NDST3: variants seen among roughly 807,000 people sequenced by gnomAD.
The protein encoded by NDST3 is N-deacetylase and N-sulfotransferase 3.
NDST3 carries 58 observed loss-of-function variants against 96.1 expected under a neutral mutation model. The observed-to-expected ratio is 0.60, with a 90% confidence interval of 0.49 to 0.75. NDST3 has a LOEUF of 0.75. NDST3 is among the 30% of genes least tolerant of loss of function. The pLI is 0.00. For missense variants in NDST3, 788 were observed against 1,034.2 expected, an observed-to-expected ratio of 0.76 and a Z score of 3.27; for synonymous variants, 333 against 359.7, an observed-to-expected ratio of 0.93 and a Z score of 0.84.
intron 2 of NDST3, among the ~76,000 whole-genome samples, chr4:118,073,140 G>A (rs528795559): frequency 6.6e-6 from 1 of 152,152 alleles, no homozygotes; most frequent in East Asian, 1.9e-4. Context: ...ATATTTTGTT[G>A]AGGATTTTTG....
intron 12 of NDST3, among the ~76,000 whole-genome samples, chr4:118,248,132 C>T (rs1192248802): frequency 1.3e-5 from 2 of 152,124 alleles, no homozygotes; most frequent in South Asian, 2.1e-4. Flanking sequence ...GGGTGGATCA[C>T]CTGAGGTCAG....
At chr4:118,080,274 A>G (rs1727904654) in intron 2 of NDST3, among the ~76,000 whole-genome samples, 1 of 152,038 alleles carries the variant, frequency 6.6e-6, no homozygotes, top group Non-Finnish European at 1.5e-5. Context: ...GTCCAAGTAG[A>G]GATGTGCAGG....
Position 118,116,366 on chromosome 4 carries a change from A to ATTG in NDST3, c.1224+1422_1224+1424dup, listed in dbSNP as rs143869319. ...AAGATACTGAGAAGTGAGGAGTGAA[A>ATTG]TTGTTGTTGTTGTTGTTGCTGTTTT... is the stretch of plus-strand genomic sequence containing the variant. On this transcript the variant is annotated intron_variant, in intron 4 of 13. Transcript: ENST00000296499. Among the ~76,000 whole-genome samples the ATTG allele has an allele frequency of 3.8e-4, 58 of 152,248 alleles. No homozygotes were observed. In the East Asian group the frequency reaches 7.5e-3, roughly 20 times the overall value.
At chr4:118,039,173 C>T (rs1724309298) in intron 1 of NDST3, among the ~76,000 whole-genome samples, 1 of 152,122 alleles carries the variant, frequency 6.6e-6, no homozygotes, top group Admixed American at 6.5e-5. Context: ...TCTGAAAAAT[C>T]TCAGAATGGA....
At chr4:118,055,261 AATG>A (rs1725345893) in intron 2 of NDST3, 1 of 234,414 alleles carries the variant, frequency 4.3e-6, no homozygotes. Flanking sequence ...AATTTGTCTT[AATG>A]ATAATAAATA....
intron 4 of NDST3, among the ~76,000 whole-genome samples, chr4:118,133,610 C>T (rs1040921286): frequency 1.3e-5 from 2 of 152,096 alleles, no homozygotes; most frequent in African/African-American, 4.8e-5. Context: ...TTTGGCCTTC[C>T]TGCAGGGGGT....
rs181600928 is a variant in NDST3, at chr4:118,127,962, T to C, written c.1225-10092T>C. ...TATTTGTGGCTACTATAAATGAGAT[T>C]ACATTTTGACTTGTTTTTTACATTG... On this transcript the variant is annotated intron_variant, in intron 4 of 13. Coordinates refer to ENST00000296499, the MANE Select transcript of NDST3 (RefSeq NM_004784.3). 9.3e-4 allele frequency among the ~76,000 whole-genome samples: 141 copies of C among 152,174 alleles called. 1 individual carries two copies. The highest frequency in any genetic ancestry group is 1.6e-3 in the Non-Finnish European group (106 of 67,924).
At chr4:118,114,596 T>C (rs1169519770) in intron 3 of NDST3, among the ~76,000 whole-genome samples, 1 of 152,248 alleles carries the variant, frequency 6.6e-6, no homozygotes, top group East Asian at 1.9e-4. Context: ...GTCTCATGTT[T>C]AATAACATTT....
intron 3 of NDST3, among the ~76,000 whole-genome samples, chr4:118,110,245 A>G (rs1276563717): frequency 6.6e-6 from 1 of 152,226 alleles, no homozygotes; most frequent in Non-Finnish European, 1.5e-5. Context: ...TAAATTAACA[A>G]TGAGAAGAGC....
intron 6 of NDST3, among the ~76,000 whole-genome samples, chr4:118,160,603 G>A (rs1177585160): frequency 2.0e-5 from 3 of 152,106 alleles, no homozygotes; most frequent in Middle Eastern, 3.4e-3. Flanking sequence ...AATGTAAATC[G>A]CTTCATTTCA....
At chr4:118,191,536 G>A (rs1737304529) in intron 6 of NDST3, among the ~76,000 whole-genome samples, 1 of 152,170 alleles carries the variant, frequency 6.6e-6, no homozygotes, top group Non-Finnish European at 1.5e-5. Context: ...CCTGGACTCA[G>A]CATGGATGGG....
chr4:118,102,438 C>T (rs796148454), intron 2 of NDST3, among the ~76,000 whole-genome samples: 6 of 152,092 alleles, frequency 3.9e-5, no homozygotes, highest in African/African-American at 9.6e-5. Flanking sequence ...TGTCTGTGGT[C>T]GTGGAGCACT....
In NDST3 at chr4:118,047,445, T is replaced by C. The variant is rs185048770; in HGVS notation, c.-155-6311T>C. 3.3e-5 allele frequency among the ~76,000 whole-genome samples: 5 copies of C among 152,338 alleles called. No individual in the cohort carries two copies. The East Asian group carries it at 9.6e-4, about 29-fold the overall frequency. ...AATGACAGACATATTATTTAGAATC[T>C]GGATGGCAAGAAAGGTTGAGATTCA... On this transcript the variant is annotated intron_variant, in intron 1 of 13. Coordinates refer to ENST00000296499, the MANE Select transcript of NDST3 (RefSeq NM_004784.3).
At chr4:118,107,059 C>T (rs1730251482) in intron 3 of NDST3, among the ~76,000 whole-genome samples, 1 of 152,266 alleles carries the variant, frequency 6.6e-6, no homozygotes, top group East Asian at 1.9e-4. Context: ...CACTGCACTC[C>T]AGCCTGGGCT....
intron 6 of NDST3, among the ~76,000 whole-genome samples, chr4:118,166,108 G>GA (rs912103343): frequency 2.6e-5 from 4 of 151,522 alleles, no homozygotes; most frequent in East Asian, 3.9e-4. Context: ...AAAAATAAGA[G>GA]AAAAAATCAA....
intron 6 of NDST3, among the ~76,000 whole-genome samples, chr4:118,173,041 G>T (rs1253789316): frequency 6.6e-6 from 1 of 151,940 alleles, no homozygotes; most frequent in Non-Finnish European, 1.5e-5. Flanking sequence ...AGGGAGAGAA[G>T]ACAAAAGGAA....
intron 4 of NDST3, among the ~76,000 whole-genome samples, chr4:118,120,487 T>C (rs762724529): frequency 2.0e-5 from 3 of 152,146 alleles, no homozygotes; most frequent in Admixed American, 6.5e-5. Flanking sequence ...TACTTGGATC[T>C]GGGGTGATTA....
intron 2 of NDST3, among the ~76,000 whole-genome samples, chr4:118,064,573 C>T (rs1726156379): frequency 1.3e-5 from 2 of 151,922 alleles, no homozygotes; most frequent in Middle Eastern, 3.2e-3. Context: ...CTATAAAATA[C>T]ATATTAGAAT....
intron 4 of NDST3, among the ~76,000 whole-genome samples, chr4:118,130,282 G>A (rs1339555991): frequency 6.6e-6 from 1 of 151,878 alleles, no homozygotes; most frequent in East Asian, 1.9e-4. Flanking sequence ...CTTCCTTCCT[G>A]TCTTCCTTTC....
Sources: allele counts gnomAD v4.1 joint callset (sites outside exome capture counted in the v4.1 genomes callset), GRCh38; gene constraint gnomAD v4.1.1; transcripts MANE v1.5; gene names NCBI Gene and HGNC (gene_info 2026-07-23, HGNC 2026-07-21).